The following TUT4 variants were observed in gnomAD, a reference collection of about 807,000 sequenced individuals.
TUT4 encodes terminal uridylyl transferase 4.
In TUT4, 36 loss-of-function variants were observed where a neutral mutation model predicts 192.2. The observed-to-expected ratio is 0.19, with a 90% CI of 0.14 to 0.25. The LOEUF (loss-of-function observed/expected upper bound fraction) is 0.25. Among genes scored for constraint, TUT4 ranks in the 10% least tolerant of loss-of-function variants. The pLI, the probability that TUT4 is intolerant of heterozygous loss-of-function variation, is 1.00. For missense variants in TUT4, 1,493 were observed against 1,957.2 expected, an observed-to-expected ratio of 0.76 and a Z score of 4.47; for synonymous variants, 618 against 666.0, an observed-to-expected ratio of 0.93 and a Z score of 1.11.
chr1:52,550,059 G>A (rs1172363216), intron 1 of TUT4, among the ~76,000 whole-genome samples: 1 of 152,048 alleles, frequency 6.6e-6, no homozygotes, highest in East Asian at 1.9e-4. Context: ...GTCGGAACCT[G>A]CTTTTTCAGA....
chr1:52,487,531 A>T (rs12032683), intron 9 of TUT4, among the ~76,000 whole-genome samples: 13,890 of 152,206 alleles, frequency 0.091, 796 homozygotes, highest in East Asian at 0.2. Context: ...TATGCTAGGC[A>T]TAGAGTATAA....
intron 1 of TUT4, among the ~76,000 whole-genome samples, chr1:52,549,058 CAAGAT>C (rs1430410659): frequency 1.3e-5 from 2 of 151,992 alleles, no homozygotes; most frequent in Non-Finnish European, 2.9e-5. Flanking sequence ...ACAGAATTCT[CAAGAT>C]AAAAGTCTAG....
intron 16 of TUT4, among the ~76,000 whole-genome samples, chr1:52,464,265 T>A (rs1423005611): frequency 1.3e-5 from 2 of 152,138 alleles, no homozygotes; most frequent in Non-Finnish European, 2.9e-5. Flanking sequence ...ATTTTTTTTT[T>A]AATTTTCTGA....
At chr1:52,465,475 T>C (rs1195418113) in intron 15 of TUT4, among the ~76,000 whole-genome samples, 3 of 152,242 alleles carry the variant, frequency 2.0e-5, no homozygotes, top group Admixed American at 1.3e-4. Context: ...TCTTAGCAAA[T>C]AGTACCATCA....
Position 52,508,675 on chromosome 1 carries a change from A to C in TUT4, c.999+921T>G, listed in dbSNP as rs114517458. ...AGTTGTTATGGGGGCACAGAGAAGG[A>C]GTATCCAACCCAGACTTGCTGAGAG... is the stretch of plus-strand genomic sequence containing the variant. On this transcript the variant is annotated intron_variant, in intron 4 of 29. Coordinates refer to ENST00000257177, the MANE Select transcript of TUT4 (RefSeq NM_001009881.3). 9.0e-3 allele frequency among the ~76,000 whole-genome samples: 1,369 copies of C among 152,340 alleles called. 23 individuals carry two copies. The highest frequency in any genetic ancestry group is 0.029 in the African/African-American group (1,222 of 41,580).
Position 52,435,429 on chromosome 1 carries a change from T to C in TUT4, c.4199A>G (p.Gln1400Arg). ...CTGTTGCTGAGCTGAACCAGCCACC[T>C]GTTGAGCATTTACAAGGTTGCGGAC... Reference protein sequence around the residue: ...QLVRNLVNAQQVAGSAQQQGD... With the variant: ...QLVRNLVNAQRVAGSAQQQGD... The change falls in exon 27 of 30, where the codon CAG (glutamine) becomes CGG (arginine). Residue 1400 changes from glutamine (Q) to arginine (R), a missense_variant. Transcript: ENST00000257177. 3.7e-6 allele frequency: 6 copies of C among 1,614,188 alleles called. No individual in the cohort carries two copies. Among genetic ancestry groups the C allele is most frequent in the Non-Finnish European group, 5.1e-6 (6 of 1,180,026 alleles).
Position 52,442,229 on chromosome 1 carries a change from G to A in TUT4, c.3822+3558C>T, listed in dbSNP as rs1655861937. Among the ~76,000 whole-genome samples the A allele has an allele frequency of 2.7e-5, 4 of 149,662 alleles. No individual in the cohort carries two copies. In the South Asian group the frequency reaches 8.4e-4, roughly 31 times the overall value. On this transcript the variant is annotated intron_variant, in intron 24 of 29. Transcript: ENST00000257177. ...GCAGACAAAATGTAAGTTAAATGGG[G>A]AAGAAAAATGACAGAAGACAGCTGA...
intron 1 of TUT4, among the ~76,000 whole-genome samples, chr1:52,543,868 C>T (rs1216724904): frequency 1.3e-5 from 2 of 151,974 alleles, no homozygotes; most frequent in Non-Finnish European, 2.9e-5. Context: ...ACATTTTTTG[C>T]AGAAATACCA....
chr1:52,457,708 C>T (rs909220803), intron 20 of TUT4, among the ~76,000 whole-genome samples: 9 of 152,194 alleles, frequency 5.9e-5, no homozygotes, highest in East Asian at 3.9e-4. Context: ...AAGAATCAGG[C>T]GGAACAGATG....
At chr1:52,429,062 T>C (rs1651045664) in intron 28 of TUT4, among the ~76,000 whole-genome samples, 2 of 151,930 alleles carry the variant, frequency 1.3e-5, no homozygotes, top group South Asian at 4.2e-4. Flanking sequence ...TTTGTGTATG[T>C]TTCAAAATTT....
At chr1:52,464,631 A>G (rs1022206235) in intron 16 of TUT4, among the ~76,000 whole-genome samples, 8 of 152,202 alleles carry the variant, frequency 5.3e-5, no homozygotes, top group Admixed American at 2.6e-4. Flanking sequence ...TAACTTTTAG[A>G]ACAAAACCAA....
chr1:52,485,200 C>G (rs1433378092), intron 9 of TUT4, among the ~76,000 whole-genome samples: 4 of 152,134 alleles, frequency 2.6e-5, no homozygotes, highest in African/African-American at 9.7e-5. Context: ...GTTATTAAAT[C>G]TCTTCCTTAG....
In TUT4 at chr1:52,475,036, C is replaced by A. The variant is rs149482511; in HGVS notation, c.2523G>T (p.Ser841=). ...SQCNCIDLSK[S]PDPDKSTGTD... ...TTCCAGTAGATTTATCTGGGTCAGGCGACTTAGACAAATCAATGCAATTAC... is the reference window on the plus strand; with the variant it reads ...TTCCAGTAGATTTATCTGGGTCAGGAGACTTAGACAAATCAATGCAATTAC... The change falls in exon 13 of 30, where the codon TCG becomes TCT. Residue 841 remains serine (S), a synonymous_variant. Transcript: ENST00000257177. The A allele has an allele frequency of 6.2e-6, 10 of 1,614,114 alleles. No individual in the cohort carries two copies. Among genetic ancestry groups the A allele is most frequent in the Non-Finnish European group, 6.8e-6 (8 of 1,180,006 alleles).
In TUT4 at chr1:52,475,514, T is replaced by C; in HGVS notation, c.2045A>G (p.Asn682Ser). ...AIEDPFSVKR[N>S]VARSLNSQLV... ...CTGGCTGTTTAAGCTCCGTGCAACA[T>C]TCCTCTTGACTGAAAATGGATCTAG... The change falls in exon 13 of 30, where the codon AAT (asparagine) becomes AGT (serine). Residue 682 changes from asparagine (N) to serine (S), a missense_variant. Around this residue, in one of 7 missense-constraint regions of TUT4, gnomAD observed 437 missense variants for 577.6 expected, o/e 0.76. Coordinates refer to ENST00000257177, the MANE Select transcript of TUT4 (RefSeq NM_001009881.3). 5.0e-6 allele frequency: 8 copies of C among 1,612,796 alleles called. No homozygotes were observed. The highest frequency in any genetic ancestry group is 6.8e-6 in the Non-Finnish European group (8 of 1,179,408).
intron 14 of TUT4, among the ~76,000 whole-genome samples, chr1:52,469,620 G>A (rs754340917): frequency 3.3e-5 from 5 of 152,144 alleles, no homozygotes; most frequent in Non-Finnish European, 7.4e-5. Context: ...GCTGTGCGCC[G>A]TGGCTCACAC....
At chr1:52,493,124 C>T (rs1200593417) in intron 7 of TUT4, among the ~76,000 whole-genome samples, 1 of 152,186 alleles carries the variant, frequency 6.6e-6, no homozygotes, top group African/African-American at 2.4e-5. Context: ...ACTTTTGCCG[C>T]CCAGGCTGGA....
chr1:52,510,337 A>G (rs890815859), intron 3 of TUT4, among the ~76,000 whole-genome samples: 31 of 148,362 alleles, frequency 2.1e-4, no homozygotes, highest in Middle Eastern at 3.5e-3. Context: ...AAAAAAAAAA[A>G]AAAAGAAAAG....
At position 52,552,386 on chromosome 1, in the gene TUT4, G is replaced by A. The variant is rs544362568; in HGVS notation, c.-94+545C>T. Among the ~76,000 whole-genome samples, 39 of 152,294 alleles carry A rather than the reference G, an allele frequency of 2.6e-4. No homozygotes were observed. In the South Asian group the frequency reaches 5.0e-3, roughly 19 times the overall value. ...GGGGGGCGGGGGAGAGAGAAGGCGG[G>A]CGAGCAAGAAACAAAATCCACACAG... On this transcript the variant is annotated intron_variant, in intron 1 of 29. Transcript: ENST00000257177.
intron 2 of TUT4, among the ~76,000 whole-genome samples, chr1:52,523,023 C>T (rs113436174): frequency 3.6e-5 from 4 of 110,922 alleles, no homozygotes; most frequent in Non-Finnish European, 3.4e-5. Context: ...GACAGACTCT[C>T]GCTCTGTCAT....
Sources: gnomAD v4.1 joint callset for allele counts (sites outside exome capture counted in the v4.1 genomes callset) on GRCh38, gnomAD v4.1.1 for gene constraint, gnomAD v4.1.1 regional missense constraint, MANE v1.5 for transcripts, NCBI Gene and HGNC (gene_info 2026-07-23, HGNC 2026-07-21) for gene names.